RYR3: variants seen among roughly 807,000 people sequenced by gnomAD.
RYR3 encodes brain ryanodine receptor-calcium release channel.
In RYR3, 207 loss-of-function variants were observed where a neutral mutation model predicts 584.3. That is an observed-to-expected ratio of 0.35 (90% confidence interval 0.32 to 0.40). RYR3 has a LOEUF of 0.40. Ranked by LOEUF, RYR3 falls within the 10% of genes least tolerant of loss-of-function variation. The probability of loss-of-function intolerance (pLI) is 1.00; values close to 1 mark genes in which losing one functional copy is unlikely to be tolerated. For synonymous variants in RYR3, 2,416 were observed against 2,248.5 expected (o/e 1.07, Z -2.11); for missense variants, 5,616 against 6,089.2 (o/e 0.92, Z 2.59).
chr15:33,655,325 C>T (rs1481325853), intron 32 of RYR3, among the ~76,000 whole-genome samples: 1 of 152,170 alleles, frequency 6.6e-6, no homozygotes, highest in Non-Finnish European at 1.5e-5. Context: ...TTCCCATTAA[C>T]TTTAGAAATG....
chr15:33,669,879 TG>T (rs1165452032), intron 37 of RYR3, among the ~76,000 whole-genome samples: 7 of 23,012 alleles, frequency 3.0e-4, no homozygotes, highest in Non-Finnish European at 5.8e-4. Context: ...TGGGTGTGTG[TG>T]GTGTGTGTGT....
intron 1 of RYR3, among the ~76,000 whole-genome samples, chr15:33,376,862 C>A (rs1257065251): frequency 6.6e-6 from 1 of 152,206 alleles, no homozygotes; most frequent in Non-Finnish European, 1.5e-5. Context: ...TGTTCTAGCA[C>A]CACTTGTTGA....
intron 1 of RYR3, among the ~76,000 whole-genome samples, chr15:33,350,904 C>G (rs1381232549): frequency 2.0e-5 from 3 of 151,790 alleles, no homozygotes; most frequent in African/African-American, 4.8e-5. Flanking sequence ...AAGAAATAAC[C>G]AAAGTCAGAG....
chr15:33,509,082 A>T (rs1033006983), intron 3 of RYR3, among the ~76,000 whole-genome samples: 4 of 152,244 alleles, frequency 2.6e-5, no homozygotes, highest in Non-Finnish European at 5.9e-5. Flanking sequence ...ACATTCATTC[A>T]TCTCATAAAC....
intron 97 of RYR3, among the ~76,000 whole-genome samples, 157 bp downstream of exon 97, chr15:33,854,606 G>T (rs1398451890): frequency 6.6e-6 from 1 of 152,110 alleles, no homozygotes. Flanking sequence ...ATGGTATAAG[G>T]TAGATGGGGC....
At chr15:33,489,318 C>T (rs1232395598) in intron 2 of RYR3, among the ~76,000 whole-genome samples, 2 of 151,946 alleles carry the variant, frequency 1.3e-5, no homozygotes, top group Admixed American at 1.3e-4. Context: ...GGTATTAAGC[C>T]CAGTGCCCAG....
At chr15:33,637,873 A>G (rs1229212618) in intron 27 of RYR3, among the ~76,000 whole-genome samples, 2 of 152,230 alleles carry the variant, frequency 1.3e-5, no homozygotes, top group South Asian at 2.1e-4. Context: ...ACATATGTAT[A>G]CATGTGCCAT....
At chr15:33,561,513 C>T (rs748217440) in intron 10 of RYR3, among the ~76,000 whole-genome samples, 29 of 152,154 alleles carry the variant, frequency 1.9e-4, no homozygotes, top group Non-Finnish European at 2.6e-4. Flanking sequence ...GCATTTGTAG[C>T]TACATCAGAG....
At chr15:33,706,278 G>A (rs1446419991) in intron 42 of RYR3, among the ~76,000 whole-genome samples, 2 of 152,048 alleles carry the variant, frequency 1.3e-5, no homozygotes, top group African/African-American at 4.8e-5. Context: ...TGTATGTGTA[G>A]TATTCAATAC....
chr15:33,750,627 G>A (rs990509212), intron 57 of RYR3, among the ~76,000 whole-genome samples: 1 of 152,138 alleles, frequency 6.6e-6, no homozygotes, highest in Non-Finnish European at 1.5e-5. Context: ...AGTTATAAAT[G>A]ACATCCATAA....
chr15:33,781,863 G>C (rs912829688), intron 65 of RYR3, among the ~76,000 whole-genome samples: 3 of 151,686 alleles, frequency 2.0e-5, no homozygotes, highest in Non-Finnish European at 4.4e-5. Flanking sequence ...AAAAAAAGGG[G>C]GGGGGGATTT....
At chr15:33,551,297 T>C (rs563010623) in intron 10 of RYR3, among the ~76,000 whole-genome samples, 1 of 152,364 alleles carries the variant, frequency 6.6e-6, no homozygotes, top group Non-Finnish European at 1.5e-5. Context: ...TTTCATTCTT[T>C]GCTCTTTTCC....
intron 2 of RYR3, among the ~76,000 whole-genome samples, chr15:33,493,637 A>G (rs1230584173): frequency 1.3e-5 from 2 of 152,226 alleles, no homozygotes; most frequent in Admixed American, 6.5e-5. Flanking sequence ...CATGCCGACC[A>G]TGTGCTGCCA....
intron 32 of RYR3, among the ~76,000 whole-genome samples, chr15:33,655,481 A>G (rs2062774079): frequency 6.6e-6 from 1 of 152,222 alleles, no homozygotes; most frequent in Non-Finnish European, 1.5e-5. Context: ...CTGCTTCAGG[A>G]AAGAACCTGT....
At chr15:33,626,451 A>C (rs2060992527) in intron 20 of RYR3, among the ~76,000 whole-genome samples, 1 of 152,170 alleles carries the variant, frequency 6.6e-6, no homozygotes, top group South Asian at 2.1e-4. Flanking sequence ...AAGTTTGAAA[A>C]ATTTGTAGCC....
intron 1 of RYR3, among the ~76,000 whole-genome samples, chr15:33,319,976 G>A (rs1032288954): frequency 3.3e-5 from 5 of 152,132 alleles, no homozygotes; most frequent in African/African-American, 9.7e-5. Context: ...AGCTAAATGT[G>A]TAAATCAGGC....
At chr15:33,809,606 C>G (rs1412294218) in intron 70 of RYR3, among the ~76,000 whole-genome samples, 1 of 106,310 alleles carries the variant, frequency 9.4e-6, no homozygotes, top group Non-Finnish European at 2.0e-5. Flanking sequence ...TTGGATTCCT[C>G]TCTCTCTTTT....
At chr15:33,405,137 A>G (rs1261383747) in intron 1 of RYR3, among the ~76,000 whole-genome samples, 1 of 152,220 alleles carries the variant, frequency 6.6e-6, no homozygotes, top group East Asian at 1.9e-4. Flanking sequence ...GGTGATGGTA[A>G]TTTTTGTCAA....
intron 38 of RYR3, among the ~76,000 whole-genome samples, chr15:33,693,198 T>C (rs1487716274): frequency 6.6e-6 from 1 of 152,250 alleles, no homozygotes; most frequent in Non-Finnish European, 1.5e-5. Context: ...ACTACGTAAG[T>C]AATAACTAGG....
Sources: gnomAD v4.1 joint callset for allele counts (sites outside exome capture counted in the v4.1 genomes callset) on GRCh38, gnomAD v4.1.1 for gene constraint, MANE v1.5 for transcripts, NCBI Gene and HGNC (gene_info 2026-07-23, HGNC 2026-07-21) for gene names.